Variants in SLC39A12 observed in about 807,000 individuals in gnomAD.
The protein encoded by SLC39A12 is zinc transporter ZIP12.
SLC39A12 carries 63 observed loss-of-function variants against 71.1 expected under a neutral mutation model. The ratio of observed to expected loss-of-function variants is 0.89; its 90% CI spans 0.72 to 1.09. The LOEUF is 1.09. Among genes scored for constraint, SLC39A12 ranks in the 50% least tolerant of loss-of-function variants. The pLI is 0.00. For synonymous variants in SLC39A12, 351 were observed against 301.3 expected (o/e 1.16, Z -1.71); for missense variants, 892 against 812.6 (o/e 1.10, Z -1.19).
intron 4 of SLC39A12, among the ~76,000 whole-genome samples, chr10:17,967,622 G>A (rs996216267): frequency 1.3e-5 from 2 of 151,864 alleles, no homozygotes; most frequent in Non-Finnish European, 2.9e-5. Context: ...GGTGGCTCAC[G>A]CCTGTAATCC....
intron 2 of SLC39A12, among the ~76,000 whole-genome samples, chr10:17,958,757 C>T (rs754321703): frequency 6.6e-6 from 1 of 152,158 alleles, no homozygotes; most frequent in Admixed American, 6.5e-5. Flanking sequence ...AGTATCCTTG[C>T]ATACCGTACA....
At chr10:18,007,888 G>A (rs576682070) in intron 12 of SLC39A12, among the ~76,000 whole-genome samples, 3 of 152,272 alleles carry the variant, frequency 2.0e-5, no homozygotes, top group African/African-American at 7.2e-5. Flanking sequence ...CTCTCTTCCT[G>A]TGATGTAGAA....
intron 12 of SLC39A12, chr10:18,005,635 G>A (rs980279344): frequency 2.0e-5 from 3 of 152,172 alleles, no homozygotes; most frequent in Admixed American, 6.5e-5. Flanking sequence ...CAGAATTGAC[G>A]GGGGAAGGTT....
Position 17,993,236 on chromosome 10 carries a change from A to G in SLC39A12, c.1478A>G (p.Asn493Ser). 1 of 1,551,894 alleles carries G rather than the reference A, an allele frequency of 6.4e-7. No homozygotes were observed. The highest frequency in any genetic ancestry group is 8.7e-7 in the Non-Finnish European group (1 of 1,147,002). ...GGTCATTCCCACCATCTTGCACTCA[A>G]CTCTGAATTAAGTGACCAGGCAGGC... ...HVGHSHHLALNSELSDQAGRG... is the reference protein window; with the variant it reads ...HVGHSHHLALSSELSDQAGRG... Residue 493 changes from asparagine (N) to serine (S), a missense_variant, in exon 9 of 13, where the codon AAC (asparagine) becomes AGC (serine). Physicochemically the swap from Asn to Ser is conservative, Grantham distance 46. Coordinates refer to ENST00000377369, the MANE Select transcript of SLC39A12 (RefSeq NM_001145195.2).
In SLC39A12 at chr10:17,992,025, G is replaced by A. The variant is rs544139827; in HGVS notation, c.1422+722G>A. ...AATTGCTTGAACCCAAGAGGTAGAG[G>A]TTGCAGTGAGCCGAGATCGCGCCAC... On this transcript the variant is annotated intron_variant, in intron 8 of 12. Coordinates refer to ENST00000377369, the MANE Select transcript of SLC39A12 (RefSeq NM_001145195.2). 2.0e-5 allele frequency among the ~76,000 whole-genome samples: 3 copies of A among 147,090 alleles called. No homozygotes were observed. The Admixed American group carries it at 2.1e-4, about 10-fold the overall frequency.
chr10:17,981,626 C>T, intron 6 of SLC39A12, 143 bp downstream of exon 6: 3 of 635,956 alleles, frequency 4.7e-6, no homozygotes, highest in Non-Finnish European at 5.0e-6. Context: ...AACAATGCTA[C>T]AAGGTAGATA....
chr10:17,971,943 CCT>C (rs1386634059), intron 4 of SLC39A12, among the ~76,000 whole-genome samples: 3 of 152,004 alleles, frequency 2.0e-5, no homozygotes, highest in Non-Finnish European at 2.9e-5. Context: ...TTTGAAATCT[CCT>C]CTTTTTCGAT....
At chr10:18,031,218 G>A (rs899798434) in intron 12 of SLC39A12, among the ~76,000 whole-genome samples, 13 of 147,034 alleles carry the variant, frequency 8.8e-5, no homozygotes, top group South Asian at 2.2e-4. Context: ...CTGAGGACTC[G>A]CCACACTGAC....
At chr10:18,036,769 TATATATATATA>T (rs1837044555) in intron 12 of SLC39A12, among the ~76,000 whole-genome samples, 1 of 79,404 alleles carries the variant, frequency 1.3e-5, no homozygotes, top group African/African-American at 6.5e-5. Context: ...TATATATATA[TATATATATATA>T]TATATATATA....
At chr10:18,034,769 T>G (rs1459491467) in intron 12 of SLC39A12, among the ~76,000 whole-genome samples, 16 of 151,398 alleles carry the variant, frequency 1.1e-4, no homozygotes, top group Non-Finnish European at 1.6e-4. Context: ...TTGGCATGAT[T>G]TTGCAGCGGC....
chr10:17,967,086 T>A (rs1386749543), intron 4 of SLC39A12, among the ~76,000 whole-genome samples: 1 of 152,208 alleles, frequency 6.6e-6, no homozygotes, highest in East Asian at 1.9e-4. Context: ...TTGTCCAAGT[T>A]TCTTTTATAC....
At chr10:18,035,057 C>T (rs1357041857) in intron 12 of SLC39A12, among the ~76,000 whole-genome samples, 1 of 144,846 alleles carries the variant, frequency 6.9e-6, no homozygotes, top group Non-Finnish European at 1.5e-5. Context: ...GTAACCCGAC[C>T]TTTCTCTCTG....
At chr10:18,009,925 A>T (rs1345002533) in intron 12 of SLC39A12, among the ~76,000 whole-genome samples, 1 of 152,222 alleles carries the variant, frequency 6.6e-6, no homozygotes, top group Non-Finnish European at 1.5e-5. Context: ...TAAATGTAGC[A>T]GCTTCAAGAA....
intron 12 of SLC39A12, among the ~76,000 whole-genome samples, chr10:18,024,347 A>T (rs1836616370): frequency 6.6e-6 from 1 of 152,050 alleles, no homozygotes; most frequent in Admixed American, 6.5e-5. Flanking sequence ...TCTCCATGTC[A>T]GTCTGGAGGA....
At chr10:18,035,703 C>T (rs566430689) in intron 12 of SLC39A12, among the ~76,000 whole-genome samples, 14 of 152,330 alleles carry the variant, frequency 9.2e-5, no homozygotes, top group Admixed American at 4.6e-4. Context: ...AACTGCGTTC[C>T]GCTGGAGGAG....
intron 3 of SLC39A12, among the ~76,000 whole-genome samples, chr10:17,964,841 G>C (rs1834782256): frequency 1.3e-5 from 2 of 152,182 alleles, no homozygotes; most frequent in Admixed American, 6.5e-5. Context: ...AGCGGGGAGA[G>C]AAACAACCCA....
At chr10:18,001,339 A>G (rs1835828478) in intron 11 of SLC39A12, among the ~76,000 whole-genome samples, 1 of 152,092 alleles carries the variant, frequency 6.6e-6, no homozygotes. Flanking sequence ...ACAGGGTAAA[A>G]CCCCGTCTCT....
At chr10:17,982,132 C>A (rs960436311) in intron 6 of SLC39A12, among the ~76,000 whole-genome samples, 6 of 152,130 alleles carry the variant, frequency 3.9e-5, no homozygotes, top group African/African-American at 1.4e-4. Flanking sequence ...GAAGGTGACC[C>A]ATGCTGGGAG....
At chr10:18,028,633 A>G (rs758392005) in intron 12 of SLC39A12, among the ~76,000 whole-genome samples, 2 of 152,136 alleles carry the variant, frequency 1.3e-5, no homozygotes, top group African/African-American at 2.4e-5. Flanking sequence ...TGGTTCTCCT[A>G]ATTTCCTTCA....
Sources: allele counts gnomAD v4.1 joint callset (sites outside exome capture counted in the v4.1 genomes callset), GRCh38; gene constraint gnomAD v4.1.1; transcripts MANE v1.5; gene names NCBI Gene and HGNC (gene_info 2026-07-23, HGNC 2026-07-21).